KIFC1: variants seen among roughly 807,000 people sequenced by gnomAD.
The protein encoded by KIFC1 is kinesin family member C1, also known as kinesin-like protein KIFC1.
In KIFC1, 37 loss-of-function variants were observed where a neutral mutation model predicts 66.6. The ratio of observed to expected loss-of-function variants is 0.56; its 90% CI spans 0.43 to 0.73. The LOEUF is 0.73. KIFC1 is among the 30% of genes least tolerant of loss of function. KIFC1 has a pLI of 0.00. For missense variants in KIFC1, 721 were observed against 859.8 expected, an observed-to-expected ratio of 0.84 and a Z score of 2.02; for synonymous variants, 325 against 343.5, an observed-to-expected ratio of 0.95 and a Z score of 0.60.
In KIFC1 at chr6:33,404,269, A is replaced by G; in HGVS notation, c.756+140A>G. On this transcript the variant is annotated intron_variant, in intron 6 of 10. Coordinates refer to ENST00000428849, the MANE Select transcript of KIFC1 (RefSeq NM_002263.4). The surrounding 1 kb of genome is among the most constrained non-coding windows in gnomAD (Gnocchi z 4.0). The stretch of plus-strand genomic sequence containing the variant: ...TAGCAGTATAGGTGCTGCTGAAGAT[A>G]CCTCTCTCTTGACCTGTCTGCACCC... 1 of 751,828 alleles carries G rather than the reference A, an allele frequency of 1.3e-6. No individual in the cohort carries two copies. The highest frequency in any genetic ancestry group is 1.8e-5 in the African/African-American group (1 of 56,188). 46.6% of individuals were successfully genotyped at this position (751,828 alleles called of 1,614,324 possible). A position where few individuals can be genotyped will look rare whatever the true frequency, so the allele number is the denominator to read the frequency against.
intron 10 of KIFC1, among the ~76,000 whole-genome samples, chr6:33,408,834 A>C (rs1775767345): frequency 6.6e-6 from 1 of 151,672 alleles, no homozygotes; most frequent in Non-Finnish European, 1.5e-5. Context: ...GCCCGGCCAC[A>C]GTCGTTCTTC....
chr6:33,403,367 G>A lies in KIFC1; in HGVS notation c.304G>A (p.Gly102Arg). 1 of 1,614,034 alleles carries A rather than the reference G, an allele frequency of 6.2e-7. No individual in the cohort carries two copies. Among genetic ancestry groups the A allele is most frequent in the Non-Finnish European group, 8.5e-7 (1 of 1,179,920 alleles). Residue 102 changes from glycine (G) to arginine (R), a missense_variant and splice_region_variant, in exon 4 of 11, where the codon GGG (glycine) becomes AGG (arginine). Physicochemically the swap from Gly to Arg is moderately radical, Grantham distance 125 (BLOSUM62 -2). Coordinates refer to ENST00000428849, the MANE Select transcript of KIFC1 (RefSeq NM_002263.4). The surrounding 1 kb of genome is among the most constrained non-coding windows in gnomAD (Gnocchi z 4.6). ...CCGGTGTTCCACAGCTATTGCCACA[G>A]GTAACTGTGCTCAAGAGCTGGGTCT... The part of the protein sequence containing the change: ...GPRCSTAIAT[G>R]LKNQKPVPAV...
Position 33,400,150 on chromosome 6 carries a change from G to T in KIFC1, c.250+1763G>T. On this transcript the variant is annotated intron_variant, in intron 3 of 10. Transcript: ENST00000428849. The surrounding 1 kb of genome is among the most constrained non-coding windows in gnomAD (Gnocchi z 4.3). Reference sequence around the variant, plus strand: ...ATCAACATTACAGCCCATAGACTGGGCAGTCCCCGGAATCTCTTTAATGGT... The same window carrying T: ...ATCAACATTACAGCCCATAGACTGGTCAGTCCCCGGAATCTCTTTAATGGT... 1 of 1,185,372 alleles carries T rather than the reference G, an allele frequency of 8.4e-7. No homozygotes were observed. Among genetic ancestry groups the T allele is most frequent in the Non-Finnish European group, 1.2e-6 (1 of 804,538 alleles). 73.4% of individuals were successfully genotyped at this position (1,185,372 alleles called of 1,614,324 possible).
chr6:33,395,782 T>A (rs762636494), intron 1 of KIFC1, among the ~76,000 whole-genome samples: 4 of 152,210 alleles, frequency 2.6e-5, no homozygotes, highest in Admixed American at 6.5e-5. Flanking sequence ...GACTTTGGAA[T>A]ACTTAAAGAA....
chr6:33,400,515 G>T lies in KIFC1; in HGVS notation c.250+2128G>T. 1 of 1,587,332 alleles carries T rather than the reference G, an allele frequency of 6.3e-7. No homozygotes were observed. The highest frequency in any genetic ancestry group is 8.6e-7 in the Non-Finnish European group (1 of 1,160,788). On this transcript the variant is annotated intron_variant, in intron 3 of 10. Transcript: ENST00000428849. This position sits in a 1 kb window ranked among gnomAD's most constrained non-coding sequence, Gnocchi z 4.3. ...CGACTTCACCTCTGGTGCACCTCAG[G>T]TATACGACCTTGATCTCGTTGGGGT... is the stretch of plus-strand genomic sequence containing the variant.
chr6:33,403,874 T>G lies in KIFC1; in HGVS notation c.501T>G (p.Leu167=). 1.2e-6 allele frequency: 2 copies of G among 1,614,192 alleles called. No homozygotes were observed. The highest frequency in any genetic ancestry group is 1.7e-6 in the Non-Finnish European group (2 of 1,180,036). Residue 167 remains leucine, a synonymous_variant, in exon 6 of 11, where the codon CTT becomes CTG. Transcript: ENST00000428849. The surrounding 1 kb of genome is among the most constrained non-coding windows in gnomAD (Gnocchi z 4.6). ...TQTLDQENQQ[L]QDQLRDAQQQ... ...CGTTGGACCAAGAGAACCAGCAGCT[T>G]CAGGACCAGCTCAGAGATGCCCAGC... is the stretch of plus-strand genomic sequence containing the variant.
rs569647725 is a variant in KIFC1, at chr6:33,391,932, G to A, written c.-54G>A. 3.5e-5 allele frequency: 57 copies of A among 1,611,208 alleles called. 1 individual carries two copies. The East Asian group carries it at 9.6e-4, about 27-fold the overall frequency. ...GAGAACGCGAGTCCCAGGATCCCCGGCACCCAGTTCTCTTCCACTGCATTC... is the reference window on the plus strand; with the variant it reads ...GAGAACGCGAGTCCCAGGATCCCCGACACCCAGTTCTCTTCCACTGCATTC... On this transcript the variant is annotated 5_prime_UTR_variant, in exon 1 of 11. Transcript: ENST00000428849.
rs1272539387 is a variant in KIFC1 at position 33,405,305 on chromosome 6, G to C, written c.1210G>C (p.Val404Leu). ...LVQSALDGYP[V>L]CIFAYGQTGS... ...CCAGTCAGCCCTGGATGGCTATCCA[G>C]TATGCATCTTTGCCTATGGCCAGAC... The change falls in exon 7 of 11, where the codon GTA becomes CTA. Residue 404 changes from valine to leucine, a missense_variant. Transcript: ENST00000428849. This position sits in a 1 kb window ranked among gnomAD's most constrained non-coding sequence, Gnocchi z 5.4. 3 of 1,614,148 alleles carry C rather than the reference G, an allele frequency of 1.9e-6. No homozygotes were observed. Among genetic ancestry groups the C allele is most frequent in the Non-Finnish European group, 2.5e-6 (3 of 1,180,040 alleles).
chr6:33,397,091 G>A (rs956703276), intron 1 of KIFC1, among the ~76,000 whole-genome samples: 1 of 148,684 alleles, frequency 6.7e-6, no homozygotes, highest in African/African-American at 2.5e-5. Context: ...TCGTTCAAGC[G>A]ATTCTCCTCC....
rs1164456013 is a variant in KIFC1 at position 33,391,840 on chromosome 6, G to A, written c.-146G>A. ...TGGCCGTTGGAATTCAAAAGTGGCG[G>A]GTGTGGCGCGGGGCTGGTAGCGGCC... On this transcript the variant is annotated 5_prime_UTR_variant, in exon 1 of 11. Transcript: ENST00000428849. 17 of 907,632 alleles carry A rather than the reference G, an allele frequency of 1.9e-5. No homozygotes were observed. The highest frequency in any genetic ancestry group is 1.8e-4 in the Admixed American group (9 of 48,822). The allele number at this position is 907,632 out of a possible 1,614,324, so 56.2% of individuals were successfully genotyped here.
rs989179057 is a variant in KIFC1, at chr6:33,404,311, G to T, written c.756+182G>T. Among the ~76,000 whole-genome samples, 1 of 152,098 alleles carries T rather than the reference G, an allele frequency of 6.6e-6. No homozygotes were observed. The highest frequency in any genetic ancestry group is 1.5e-5 in the Non-Finnish European group (1 of 68,030). On this transcript the variant is annotated intron_variant, in intron 6 of 10. Transcript: ENST00000428849. This position sits in a 1 kb window ranked among gnomAD's most constrained non-coding sequence, Gnocchi z 4.0. ...TCTGCACCCCAGCCCACTCCTGACT[G>T]TCTTGCTTTCTGCCACGCTTCTTCC...
rs1441146848 is a variant in KIFC1, at chr6:33,405,172, C to T, written c.1077C>T (p.Thr359=). The T allele has an allele frequency of 2.5e-6, 4 of 1,614,038 alleles. No homozygotes were observed. The highest frequency in any genetic ancestry group is 2.5e-6 in the Non-Finnish European group (3 of 1,180,044). Residue 359 remains threonine, a synonymous_variant, in exon 7 of 11, where the codon ACC becomes ACT. Coordinates refer to ENST00000428849, the MANE Select transcript of KIFC1 (RefSeq NM_002263.4). This position sits in a 1 kb window ranked among gnomAD's most constrained non-coding sequence, Gnocchi z 5.4. ...SLSRSDERRG[T]LSGAPAPPTR... is the part of the protein sequence containing the mutation. ...CCCGGTCTGACGAGCGGCGTGGGAC[C>T]CTGAGTGGGGCACCAGCTCCCCCAA...
intron 3 of KIFC1, 57 bp downstream of exon 3, chr6:33,398,444 CACTT>C (rs1044173168): frequency 6.6e-6 from 8 of 1,210,354 alleles, no homozygotes; most frequent in African/African-American, 4.6e-5. Flanking sequence ...CTCTTCAACT[CACTT>C]GTTTCTTTTC....
intron 10 of KIFC1, among the ~76,000 whole-genome samples, chr6:33,407,904 T>C (rs967529489): frequency 6.6e-6 from 1 of 152,220 alleles, no homozygotes; most frequent in African/African-American, 2.4e-5. Context: ...CTGGCTTTAT[T>C]TGAGGTCTGA....
At chr6:33,394,963 A>C (rs1020454937) in intron 1 of KIFC1, among the ~76,000 whole-genome samples, 3 of 148,904 alleles carry the variant, frequency 2.0e-5, no homozygotes, top group Admixed American at 6.7e-5. Context: ...CAGTGAGGTA[A>C]GAAAGAGTGG....
intron 10 of KIFC1, among the ~76,000 whole-genome samples, chr6:33,408,198 GT>G (rs1775743497): frequency 6.6e-6 from 1 of 152,176 alleles, no homozygotes; most frequent in Non-Finnish European, 1.5e-5. Flanking sequence ...TAATAGGTTT[GT>G]TCAAATCAGG....
rs954532094 is a variant in KIFC1, at chr6:33,403,093, G to C, written c.251-221G>C. 6.6e-6 allele frequency among the ~76,000 whole-genome samples: 1 copy of C among 152,058 alleles called. No individual in the cohort carries two copies. Among genetic ancestry groups the C allele is most frequent in the Admixed American group, 6.5e-5 (1 of 15,270 alleles). ...GCATCCTTGGATTTTGGTATTCTTG[G>C]GGGGTGCTGGAATCAACCCCTTTTG... On this transcript the variant is annotated intron_variant, in intron 3 of 10. Coordinates refer to ENST00000428849, the MANE Select transcript of KIFC1 (RefSeq NM_002263.4). This position sits in a 1 kb window ranked among gnomAD's most constrained non-coding sequence, Gnocchi z 4.6.
At chr6:33,409,034 G>T (rs1054699524) in intron 10 of KIFC1, among the ~76,000 whole-genome samples, 2 of 152,196 alleles carry the variant, frequency 1.3e-5, no homozygotes, top group African/African-American at 4.8e-5. Context: ...CGGGCGTGGT[G>T]GCGGGCGCCT....
rs768629132 is a variant in KIFC1 at position 33,406,385 on chromosome 6, T to G, written c.1726T>G (p.Leu576Val). 1 of 1,612,994 alleles carries G rather than the reference T, an allele frequency of 6.2e-7. No individual in the cohort carries two copies. The highest frequency in any genetic ancestry group is 8.5e-7 in the Non-Finnish European group (1 of 1,179,142). Residue 576 changes from leucine to valine, a missense_variant, in exon 8 of 11, where the codon TTA becomes GTA. Coordinates refer to ENST00000428849, the MANE Select transcript of KIFC1 (RefSeq NM_002263.4). The surrounding 1 kb of genome is among the most constrained non-coding windows in gnomAD (Gnocchi z 4.5). Reference protein sequence around the residue: ...LAGSERLDPGLALGPGERERL... With the variant: ...LAGSERLDPGVALGPGERERL... ...CGGGAGTGAGCGACTTGACCCCGGC[T>G]TAGCCCTCGGCCCCGGGGAGCGGGA...
Sources: gnomAD v4.1 joint callset for allele counts (sites outside exome capture counted in the v4.1 genomes callset) on GRCh38, gnomAD v4.1.1 for gene constraint, Gnocchi (gnomAD v3.1) non-coding constraint, MANE v1.5 for transcripts, NCBI Gene and HGNC (gene_info 2026-07-23, HGNC 2026-07-21) for gene names.